The following ACTN4 variants were observed in gnomAD, a reference collection of about 807,000 sequenced individuals.
ACTN4 encodes the protein alpha-actinin-4.
ACTN4 carries 18 observed loss-of-function variants against 114.2 expected under a neutral mutation model. That is an observed-to-expected ratio of 0.16 (90% CI 0.11 to 0.23). The LOEUF (loss-of-function observed/expected upper bound fraction) is 0.23. Among genes scored for constraint, ACTN4 ranks in the 10% least tolerant of loss-of-function variants. The probability of loss-of-function intolerance (pLI) is 1.00; values close to 1 mark genes in which losing one functional copy is unlikely to be tolerated. For synonymous variants in ACTN4, 515 were observed against 506.3 expected, an observed-to-expected ratio of 1.02 and a Z score of -0.23; for missense variants, 722 against 1,262.9, an observed-to-expected ratio of 0.57 and a Z score of 6.49.
rs548465426 is a variant in ACTN4 at position 38,659,147 on chromosome 19, G to A, written c.162+11240G>A. On this transcript the variant is annotated intron_variant, in intron 1 of 20. Coordinates refer to ENST00000252699, the MANE Select transcript of ACTN4 (RefSeq NM_004924.6). ...GCAATCTCGGCTCATTGCAACCTCCGCATCCTGGGTTCAAGTGATTCTCCT... is the reference window on the plus strand; with the variant it reads ...GCAATCTCGGCTCATTGCAACCTCCACATCCTGGGTTCAAGTGATTCTCCT... 3.0e-5 allele frequency among the ~76,000 whole-genome samples: 4 copies of A among 133,858 alleles called. No homozygotes were observed. The South Asian group carries it at 1.0e-3, about 34-fold the overall frequency. 87.8% of individuals were successfully genotyped at this position (133,858 alleles called of 152,430 possible).
rs187753550 is a variant in ACTN4, at chr19:38,678,214, A to G, written c.163-22386A>G. Among the ~76,000 whole-genome samples the G allele has an allele frequency of 1.6e-3, 250 of 152,382 alleles. 1 individual carries two copies. The highest frequency in any genetic ancestry group is 5.9e-3 in the African/African-American group (245 of 41,594). On this transcript the variant is annotated intron_variant, in intron 1 of 20. Coordinates refer to ENST00000252699, the MANE Select transcript of ACTN4 (RefSeq NM_004924.6). ...GACAAAGAGAAGGCCCTTGCCCTTA[A>G]AAATGATACGTGTGGCTAAAACGCT...
rs970246066 is a variant in ACTN4, at chr19:38,699,631, C to T, written c.163-969C>T. Among the ~76,000 whole-genome samples, 4 of 151,936 alleles carry T rather than the reference C, an allele frequency of 2.6e-5. No homozygotes were observed. In the East Asian group the frequency reaches 5.8e-4, roughly 22 times the overall value. Reference sequence around the variant, plus strand: ...TTAGATGGGCATGTTGGCATACACCCGTAGTCCCAGCTACTCAGGAGGCTG... The same window carrying T: ...TTAGATGGGCATGTTGGCATACACCTGTAGTCCCAGCTACTCAGGAGGCTG... On this transcript the variant is annotated intron_variant, in intron 1 of 20. Transcript: ENST00000252699.
intron 12 of ACTN4, chr19:38,721,910 C>T (rs1969059340): frequency 1.5e-6 from 1 of 676,876 alleles, no homozygotes; most frequent in Non-Finnish European, 2.6e-6. Context: ...GATTTGGATT[C>T]TCTAGCAGGA....
intron 1 of ACTN4, among the ~76,000 whole-genome samples, chr19:38,699,057 G>A (rs941667710): frequency 7.2e-5 from 11 of 152,194 alleles, no homozygotes; most frequent in Non-Finnish European, 1.5e-4. Context: ...TGGAGGGGGT[G>A]GGGTACAGGG....
At chr19:38,683,472 G>C (rs1967642080) in intron 1 of ACTN4, among the ~76,000 whole-genome samples, 1 of 152,150 alleles carries the variant, frequency 6.6e-6, no homozygotes. Flanking sequence ...ACAGAGGAGG[G>C]GTCTGAGCCA....
At chr19:38,706,841 A>G (rs1465728675) in intron 5 of ACTN4, among the ~76,000 whole-genome samples, 2 of 152,192 alleles carry the variant, frequency 1.3e-5, no homozygotes, top group Non-Finnish European at 2.9e-5. Flanking sequence ...TCCACCATGA[A>G]CCTGCTTCCC....
intron 1 of ACTN4, among the ~76,000 whole-genome samples, chr19:38,677,041 C>T (rs1455991622): frequency 6.6e-6 from 1 of 152,186 alleles, no homozygotes; most frequent in Non-Finnish European, 1.5e-5. Context: ...ATGCTCATTC[C>T]TGCCTCCTGA....
chr19:38,654,787 A>T (rs557168660), intron 1 of ACTN4, among the ~76,000 whole-genome samples: 19 of 151,972 alleles, frequency 1.3e-4, no homozygotes, highest in Non-Finnish European at 2.8e-4. Context: ...ATTAACTTGG[A>T]ATGTCCGTGG....
chr19:38,676,595 A>C (rs558899586), intron 1 of ACTN4, among the ~76,000 whole-genome samples: 1 of 152,252 alleles, frequency 6.6e-6, no homozygotes, highest in Non-Finnish European at 1.5e-5. Flanking sequence ...GAAACCTCCC[A>C]CCCGGGCAGG....
chr19:38,711,478 C>A, intron 8 of ACTN4: 1 of 384,930 alleles, frequency 2.6e-6, no homozygotes, highest in Non-Finnish European at 3.6e-6. Flanking sequence ...GGCCGCCACA[C>A]CACACAGACT....
intron 12 of ACTN4, 111 bp from the exon 13 acceptor site, chr19:38,723,503 G>T: frequency 1.3e-6 from 1 of 787,264 alleles, no homozygotes; most frequent in Non-Finnish European, 2.2e-6. Context: ...CTGATATCCT[G>T]GAATGTTGAC....
intron 1 of ACTN4, among the ~76,000 whole-genome samples, chr19:38,690,453 G>A (rs1483110144): frequency 6.6e-6 from 1 of 152,214 alleles, no homozygotes; most frequent in Admixed American, 6.5e-5. Context: ...AACACTAGTC[G>A]CTGGGTTCCA....
rs912949996 is a variant in ACTN4 at position 38,731,560 on chromosome 19, C to T, written c.*2128C>T. On this transcript the variant is annotated 3_prime_UTR_variant, in exon 21 of 21. Coordinates refer to ENST00000252699, the MANE Select transcript of ACTN4 (RefSeq NM_004924.6). ...GTGGGCACTGGAGGATATTTCTGTG[C>T]AGCAAAAAATATAGTCAATCCCATA... 8 of 366,794 alleles carry T rather than the reference C, an allele frequency of 2.2e-5. No individual in the cohort carries two copies. Among genetic ancestry groups the T allele is most frequent in the Non-Finnish European group, 2.6e-5 (5 of 193,004 alleles). The allele number at this position is 366,794 out of a possible 1,614,324, so 22.7% of individuals were successfully genotyped here. A position where few individuals can be genotyped will look rare whatever the true frequency, so the allele number is the denominator to read the frequency against.
intron 1 of ACTN4, among the ~76,000 whole-genome samples, chr19:38,671,722 T>G (rs1967134111): frequency 6.6e-6 from 1 of 152,238 alleles, no homozygotes; most frequent in Non-Finnish European, 1.5e-5. Flanking sequence ...ATTGAGTCCC[T>G]GTGATTGGAG....
chr19:38,726,938 C>T lies in ACTN4; in HGVS notation c.2191-19C>T, dbSNP rs758964419. The T allele has an allele frequency of 5.6e-6, 9 of 1,613,374 alleles. No homozygotes were observed. The highest frequency in any genetic ancestry group is 2.2e-5 in the South Asian group (2 of 91,064). On this transcript the variant is annotated intron_variant, in intron 17 of 20. Transcript: ENST00000252699. Reference sequence around the variant, plus strand: ...GTTCACAGCACCCGGCCCACGATCACGCCCCCGTCTTTCCGCAGCACATCC... The same window carrying T: ...GTTCACAGCACCCGGCCCACGATCATGCCCCCGTCTTTCCGCAGCACATCC...
intron 4 of ACTN4, among the ~76,000 whole-genome samples, chr19:38,705,811 G>A (rs750476425): frequency 3.9e-5 from 6 of 152,224 alleles, no homozygotes; most frequent in Admixed American, 6.5e-5. Context: ...CCTCGGGGCC[G>A]TGAGGATTAA....
chr19:38,656,778 T>C (rs530127433), intron 1 of ACTN4, among the ~76,000 whole-genome samples: 3 of 152,308 alleles, frequency 2.0e-5, no homozygotes, highest in South Asian at 4.1e-4. Flanking sequence ...TTTTTTAAAG[T>C]TTCCCCCCCA....
At chr19:38,692,353 G>A (rs1967958325) in intron 1 of ACTN4, among the ~76,000 whole-genome samples, 1 of 152,236 alleles carries the variant, frequency 6.6e-6, no homozygotes, top group South Asian at 2.1e-4. Context: ...TGCGTCCCAC[G>A]TTGCTGCACC....
chr19:38,696,958 C>T (rs902607001), intron 1 of ACTN4, among the ~76,000 whole-genome samples: 5 of 152,216 alleles, frequency 3.3e-5, no homozygotes, highest in African/African-American at 4.8e-5. Context: ...TAACACAGCA[C>T]GGAGTGATTG....
Sources: allele counts gnomAD v4.1 joint callset (sites outside exome capture counted in the v4.1 genomes callset), GRCh38; gene constraint gnomAD v4.1.1; transcripts MANE v1.5; gene names NCBI Gene and HGNC (gene_info 2026-07-23, HGNC 2026-07-21).